Variants in PTPRD observed in about 807,000 individuals in gnomAD.
PTPRD encodes protein tyrosine phosphatase receptor type D.
Under a neutral mutation model 214.5 loss-of-function variants are expected in PTPRD, and 34 were observed. That is an observed-to-expected ratio of 0.16 (90% CI 0.12 to 0.21). The LOEUF is 0.21. PTPRD is among the 10% of genes least tolerant of loss of function. The pLI is 1.00. For synonymous variants in PTPRD, 1,128 were observed against 845.7 expected, an observed-to-expected ratio of 1.33 and a Z score of -5.79; for missense variants, 2,545 against 2,398.7, an observed-to-expected ratio of 1.06 and a Z score of -1.27.
chr9:10,257,267 G>C (rs1206571594), intron 3 of PTPRD, among the ~76,000 whole-genome samples: 1 of 152,134 alleles, frequency 6.6e-6, no homozygotes, highest in Non-Finnish European at 1.5e-5. Context: ...TAAACAATTT[G>C]CCTATATCTG....
chr9:9,819,798 C>A (rs2050087398), intron 5 of PTPRD, among the ~76,000 whole-genome samples: 1 of 152,190 alleles, frequency 6.6e-6, no homozygotes, highest in Admixed American at 6.5e-5. Flanking sequence ...GCCTCCAGCA[C>A]AGCCATGTTG....
chr9:10,349,677 T>G (rs1360701923), intron 2 of PTPRD, among the ~76,000 whole-genome samples: 1 of 152,184 alleles, frequency 6.6e-6, no homozygotes, highest in Non-Finnish European at 1.5e-5. Context: ...TCTGTTGAAT[T>G]TAGGCTTAAT....
intron 2 of PTPRD, among the ~76,000 whole-genome samples, chr9:10,460,453 A>G (rs1005033908): frequency 2.0e-5 from 3 of 152,138 alleles, no homozygotes; most frequent in African/African-American, 4.8e-5. Context: ...AGTTGAAAAC[A>G]TCATACTTCC....
At chr9:10,128,045 C>T (rs1345448786) in intron 3 of PTPRD, among the ~76,000 whole-genome samples, 11 of 152,094 alleles carry the variant, frequency 7.2e-5, no homozygotes, top group Non-Finnish European at 1.3e-4. Flanking sequence ...TGTAAAGGCA[C>T]TAGTTTTAGC....
intron 39 of PTPRD, among the ~76,000 whole-genome samples, chr9:8,373,627 G>A (rs2082202647): frequency 3.2e-5 from 1 of 31,316 alleles, no homozygotes; most frequent in Non-Finnish European, 1.8e-4. Context: ...GTGTGTGTGT[G>A]TGTGTGTGTG....
intron 2 of PTPRD, among the ~76,000 whole-genome samples, chr9:10,464,432 C>CAG (rs2098980015): frequency 1.5e-5 from 2 of 130,796 alleles, no homozygotes; most frequent in Admixed American, 1.6e-4. Context: ...GAGAGAGAGA[C>CAG]AGAGAGGAAA....
At position 8,316,117 on chromosome 9, in the gene PTPRD, T is replaced by G; in HGVS notation, c.*1757A>C. On this transcript the variant is annotated 3_prime_UTR_variant, in exon 46 of 46. Coordinates refer to ENST00000381196, the MANE Select transcript of PTPRD (RefSeq NM_002839.4). ...AGTAGCTTTTTCTGATGTTGATGAT[T>G]GATTATAAAAGGAAGAAGGGCCCTG... is the stretch of plus-strand genomic sequence containing the variant. The G allele has an allele frequency of 4.4e-6, 1 of 229,882 alleles. No individual in the cohort carries two copies. Among genetic ancestry groups the G allele is most frequent in the Non-Finnish European group, 8.6e-6 (1 of 115,714 alleles). The allele number at this position is 229,882 out of a possible 1,614,324, so 14.2% of individuals were successfully genotyped here.
chr9:8,567,046 G>A (rs991601458), intron 14 of PTPRD, among the ~76,000 whole-genome samples: 3 of 152,070 alleles, frequency 2.0e-5, no homozygotes, highest in South Asian at 2.1e-4. Context: ...CTTCTCCAAC[G>A]AATCTCTCCT....
At chr9:8,558,431 C>A (rs1380388639) in intron 14 of PTPRD, among the ~76,000 whole-genome samples, 2 of 152,144 alleles carry the variant, frequency 1.3e-5, no homozygotes, top group African/African-American at 4.8e-5. Flanking sequence ...CAAGGCAAGT[C>A]TCACAGAGCC....
At chr9:9,205,530 T>C (rs948435648) in intron 9 of PTPRD, among the ~76,000 whole-genome samples, 3 of 152,182 alleles carry the variant, frequency 2.0e-5, no homozygotes, top group Non-Finnish European at 2.9e-5. Context: ...CGTTTTCCCA[T>C]AGAAACTTGA....
intron 44 of PTPRD, among the ~76,000 whole-genome samples, chr9:8,322,747 C>T (rs1829688238): frequency 6.6e-6 from 1 of 152,136 alleles, no homozygotes; most frequent in South Asian, 2.1e-4. Context: ...AAAAAGAGAT[C>T]TTCAATGTAG....
At chr9:9,304,546 T>A (rs530250088) in intron 9 of PTPRD, among the ~76,000 whole-genome samples, 1 of 152,200 alleles carries the variant, frequency 6.6e-6, no homozygotes. Context: ...TCTGTGTACA[T>A]GGGCAGGTCT....
intron 11 of PTPRD, among the ~76,000 whole-genome samples, chr9:8,798,119 T>C (rs1296406540): frequency 1.3e-5 from 2 of 152,196 alleles, no homozygotes; most frequent in African/African-American, 4.8e-5. Flanking sequence ...TACTTCATTA[T>C]ATGATAATTA....
chr9:10,521,543 T>C (rs1037275867), intron 2 of PTPRD, among the ~76,000 whole-genome samples: 3 of 152,208 alleles, frequency 2.0e-5, no homozygotes, highest in Non-Finnish European at 4.4e-5. Flanking sequence ...GAATGTCTAC[T>C]ATAGTCAAAG....
At chr9:10,191,205 C>T (rs1286721696) in intron 3 of PTPRD, among the ~76,000 whole-genome samples, 1 of 151,828 alleles carries the variant, frequency 6.6e-6, no homozygotes, top group Non-Finnish European at 1.5e-5. Context: ...AGAATTAACA[C>T]AAAAAGTTAG....
intron 9 of PTPRD, among the ~76,000 whole-genome samples, chr9:9,390,854 A>T (rs2065574808): frequency 6.6e-6 from 1 of 152,178 alleles, no homozygotes. Context: ...CAGTAAATCC[A>T]TCTTACATGC....
intron 9 of PTPRD, among the ~76,000 whole-genome samples, chr9:9,255,227 T>G (rs1373097721): frequency 1.3e-5 from 2 of 152,068 alleles, no homozygotes; most frequent in African/African-American, 4.8e-5. Context: ...ATGTTTGCTT[T>G]GATTGCAATG....
At chr9:8,502,848 G>GTATATATATATA (rs556444172) in intron 23 of PTPRD, among the ~76,000 whole-genome samples, 278 of 147,126 alleles carry the variant, frequency 1.9e-3, no homozygotes, top group African/African-American at 6.3e-3. Flanking sequence ...ATGTGTGTGT[G>GTATATATATATA]TATATATATA....
intron 8 of PTPRD, among the ~76,000 whole-genome samples, chr9:9,499,553 A>G (rs2096329794): frequency 6.6e-6 from 1 of 152,040 alleles, no homozygotes; most frequent in Admixed American, 6.6e-5. Flanking sequence ...TTAAGACATT[A>G]TTTTTGCTGG....
Sources: gnomAD v4.1 joint callset for allele counts (sites outside exome capture counted in the v4.1 genomes callset) on GRCh38, gnomAD v4.1.1 for gene constraint, MANE v1.5 for transcripts, NCBI Gene and HGNC (gene_info 2026-07-23, HGNC 2026-07-21) for gene names.